TNRC6A: variants seen among roughly 807,000 people sequenced by gnomAD.
TNRC6A encodes trinucleotide repeat containing adaptor 6A.
TNRC6A carries 44 observed loss-of-function variants against 221.2 expected under a neutral mutation model. That is an observed-to-expected ratio of 0.20 (90% CI 0.16 to 0.26). TNRC6A has a LOEUF of 0.26. TNRC6A is among the 10% of genes least tolerant of loss of function. The pLI is 1.00. For synonymous variants in TNRC6A, 847 were observed against 838.5 expected, an observed-to-expected ratio of 1.01 and a Z score of -0.18; for missense variants, 2,199 against 2,404.4, an observed-to-expected ratio of 0.91 and a Z score of 1.79.
At chr16:24,779,147 C>T (rs1215687379) in intron 5 of TNRC6A, among the ~76,000 whole-genome samples, 1 of 152,038 alleles carries the variant, frequency 6.6e-6, no homozygotes, top group Non-Finnish European at 1.5e-5. Flanking sequence ...AGAAGAAGGC[C>T]TCAGGTGTGG....
At chr16:24,714,310 T>TC (rs2056269150) in intron 2 of TNRC6A, among the ~76,000 whole-genome samples, 1 of 136,688 alleles carries the variant, frequency 7.3e-6, no homozygotes, top group Admixed American at 7.4e-5. Context: ...ATCTTTTTTT[T>TC]TTTTTTTTTT....
chr16:24,612,473 G>A (rs752889038), intron 1 of TNRC6A, among the ~76,000 whole-genome samples: 19 of 151,838 alleles, frequency 1.3e-4, no homozygotes, highest in African/African-American at 2.4e-4. Flanking sequence ...CAGGCTGGGC[G>A]CAGTGGCTCA....
intron 3 of TNRC6A, 130 bp downstream of exon 3, chr16:24,750,943 T>C: frequency 4.4e-6 from 4 of 901,946 alleles, no homozygotes; most frequent in Non-Finnish European, 6.2e-6. Context: ...TTTTAATATT[T>C]AATGTCTTTG....
intron 6 of TNRC6A, among the ~76,000 whole-genome samples, chr16:24,792,305 T>G (rs908349864): frequency 2.0e-5 from 3 of 152,220 alleles, no homozygotes; most frequent in Admixed American, 1.3e-4. Context: ...GACAATACCT[T>G]TCTAGTATAT....
intron 2 of TNRC6A, among the ~76,000 whole-genome samples, chr16:24,676,551 G>C (rs1238656897): frequency 6.6e-6 from 1 of 152,144 alleles, no homozygotes; most frequent in Non-Finnish European, 1.5e-5. Context: ...AACTTCCCAG[G>C]CTTAAGTGAT....
chr16:24,697,093 A>G (rs893555585), intron 2 of TNRC6A, among the ~76,000 whole-genome samples: 2 of 152,220 alleles, frequency 1.3e-5, no homozygotes, highest in Non-Finnish European at 2.9e-5. Flanking sequence ...AATGTTCACA[A>G]CACTGAGGCC....
chr16:24,772,912 C>G (rs773869208), intron 4 of TNRC6A, among the ~76,000 whole-genome samples: 2 of 152,172 alleles, frequency 1.3e-5, no homozygotes, highest in African/African-American at 4.8e-5. Context: ...AGATTTCCTG[C>G]CTCTTCTATA....
intron 1 of TNRC6A, among the ~76,000 whole-genome samples, chr16:24,628,351 C>T (rs1007443059): frequency 6.6e-6 from 1 of 151,786 alleles, no homozygotes; most frequent in Non-Finnish European, 1.5e-5. Context: ...ACCTAGGAGG[C>T]GGAGGTTGCA....
intron 2 of TNRC6A, among the ~76,000 whole-genome samples, chr16:24,679,810 T>C (rs1049133386): frequency 2.6e-5 from 4 of 151,546 alleles, no homozygotes; most frequent in African/African-American, 9.7e-5. Context: ...GGTCTCACTA[T>C]GTTGCCCAGG....
chr16:24,637,099 G>A (rs1901674363), intron 1 of TNRC6A, among the ~76,000 whole-genome samples: 1 of 152,052 alleles, frequency 6.6e-6, no homozygotes, highest in African/African-American at 2.4e-5. Context: ...GTGGTGGGAT[G>A]ATGGCTGACT....
rs765105100 is a variant in TNRC6A, at chr16:24,791,628, C to T, written c.2986C>T (p.Arg996Cys). 5.6e-6 allele frequency: 9 copies of T among 1,610,548 alleles called. No individual in the cohort carries two copies. Among genetic ancestry groups the T allele is most frequent in the Admixed American group, 3.4e-5 (2 of 59,344 alleles). Reference protein sequence around the residue: ...GWEEPSPESIRRKMEIDDGTS... With the variant: ...GWEEPSPESICRKMEIDDGTS... ...GGAGGAACCATCCCCAGAATCTATA[C>T]GTCGCAAAATGGAGATTGATGATGG... is the stretch of plus-strand genomic sequence containing the variant. The change falls in exon 6 of 25, where the codon CGT becomes TGT. Residue 996 changes from arginine (R) to cysteine (C), a missense_variant. Around this residue, in one of 8 missense-constraint regions of TNRC6A, gnomAD observed 1,405 missense variants for 1,400.2 expected, o/e 1.00. Transcript: ENST00000395799.
chr16:24,777,094 C>T lies in TNRC6A; in HGVS notation c.325C>T (p.Pro109Ser). 6 of 1,609,428 alleles carry T rather than the reference C, an allele frequency of 3.7e-6. No individual in the cohort carries two copies. The highest frequency in any genetic ancestry group is 5.1e-6 in the Non-Finnish European group (6 of 1,177,468). Reference protein sequence around the residue: ...QQQQQPQQQQPQQQPQPQPQQ... With the variant: ...QQQQQPQQQQSQQQPQPQPQQ... ...ACAGCAGCAGCCGCAGCAGCAGCAG[C>T]CACAGCAGCAGCCACAGCCGCAGCC... Residue 109 changes from proline (P) to serine (S), a missense_variant, in exon 5 of 25, where the codon CCA (proline) becomes TCA (serine). Coordinates refer to ENST00000395799, the MANE Select transcript of TNRC6A (RefSeq NM_014494.4).
At chr16:24,666,279 T>C (rs963001923) in intron 2 of TNRC6A, among the ~76,000 whole-genome samples, 12 of 151,736 alleles carry the variant, frequency 7.9e-5, no homozygotes, top group East Asian at 3.9e-4. Flanking sequence ...CCATCCTGGC[T>C]AACACAGTGA....
intron 5 of TNRC6A, among the ~76,000 whole-genome samples, chr16:24,786,495 T>G (rs2057972194): frequency 6.6e-6 from 1 of 151,460 alleles, no homozygotes; most frequent in Admixed American, 6.6e-5. Context: ...GCTAATTTTT[T>G]TGTAGAGATG....
intron 17 of TNRC6A, 23 bp from the exon 18 acceptor site, chr16:24,809,327 T>G (rs1285190413): frequency 6.7e-7 from 1 of 1,488,886 alleles, no homozygotes; most frequent in Non-Finnish European, 9.0e-7. Flanking sequence ...TCTAAGGTTT[T>G]GTTTTGTTTT....
intron 2 of TNRC6A, among the ~76,000 whole-genome samples, chr16:24,734,860 C>T (rs755354780): frequency 6.6e-6 from 1 of 152,110 alleles, no homozygotes; most frequent in Non-Finnish European, 1.5e-5. Flanking sequence ...TGATTTGTCC[C>T]CCCATAAACC....
chr16:24,759,402 C>T (rs1341517678), intron 4 of TNRC6A, among the ~76,000 whole-genome samples: 2 of 152,118 alleles, frequency 1.3e-5, no homozygotes, highest in Non-Finnish European at 2.9e-5. Flanking sequence ...CGTTGTTTTC[C>T]ATTTTTTAAA....
In TNRC6A at chr16:24,789,788, G is replaced by A; in HGVS notation, c.1146G>A (p.Gly382=). The A allele has an allele frequency of 6.2e-7, 1 of 1,614,128 alleles. No homozygotes were observed. Among genetic ancestry groups the A allele is most frequent in the Non-Finnish European group, 8.5e-7 (1 of 1,179,994 alleles). Residue 382 remains glycine (G), a synonymous_variant, in exon 6 of 25, where the codon GGG becomes GGA. Coordinates refer to ENST00000395799, the MANE Select transcript of TNRC6A (RefSeq NM_014494.4). ...AGAACAATGGACTTGCCCTAAAAGG[G>A]CCTGTAGGGAGTGGTAGTTCTGGCA... ...VLENNGLALK[G]PVGSGSSGIN... is the part of the protein sequence containing the mutation.
At chr16:24,678,227 C>T (rs922191456) in intron 2 of TNRC6A, among the ~76,000 whole-genome samples, 3 of 151,048 alleles carry the variant, frequency 2.0e-5, no homozygotes, top group Non-Finnish European at 2.9e-5. Context: ...ATGAGAATCA[C>T]TTAAGCCCTG....
Sources: gnomAD v4.1 joint callset for allele counts (sites outside exome capture counted in the v4.1 genomes callset) on GRCh38, gnomAD v4.1.1 for gene constraint, gnomAD v4.1.1 regional missense constraint, MANE v1.5 for transcripts, NCBI Gene and HGNC (gene_info 2026-07-23, HGNC 2026-07-21) for gene names.